KIF13A: variants seen among roughly 807,000 people sequenced by gnomAD.
KIF13A encodes the protein kinesin-like protein KIF13A.
Under a neutral mutation model 212.2 loss-of-function variants are expected in KIF13A, and 79 were observed. The ratio of observed to expected loss-of-function variants is 0.37; its 90% confidence interval spans 0.31 to 0.45. The LOEUF is 0.45. KIF13A is among the 20% of genes least tolerant of loss of function. KIF13A has a pLI of 1.00. For synonymous variants in KIF13A, 789 were observed against 808.6 expected (o/e 0.98, Z 0.41); for missense variants, 1,901 against 2,209.0 (o/e 0.86, Z 2.79).
In KIF13A at chr6:17,915,433, G is replaced by C. The variant is rs907335484; in HGVS notation, c.147-17253C>G. The stretch of plus-strand genomic sequence containing the variant: ...AGCAGAGTAACACACGCGATGCAAG[G>C]CCCCTCATTTTCAGCCATTTATTTT... On this transcript the variant is annotated intron_variant, in intron 2 of 38. Transcript: ENST00000259711. This position sits in a 1 kb window ranked among gnomAD's most constrained non-coding sequence, Gnocchi z 4.4. 1.3e-5 allele frequency among the ~76,000 whole-genome samples: 2 copies of C among 152,096 alleles called. No homozygotes were observed. The highest frequency in any genetic ancestry group is 4.2e-4 in the South Asian group (2 of 4,814).
In KIF13A at chr6:17,764,303, G is replaced by A. The variant is rs189438984; in HGVS notation, c.5225C>T (p.Ser1742Leu). 3.7e-4 allele frequency: 600 copies of A among 1,613,936 alleles called. 3 individuals are homozygous for A. The African/African-American group carries it at 6.9e-3, about 19-fold the overall frequency. ...CAAACCATCAAAATCTTTTCCCTCT[G>A]ACACTCCCATAAATTCTGTGAAAGA... ...DHSFTEFMGV[S>L]EGKDFDGLTD... Residue 1742 changes from serine (S) to leucine (L), a missense_variant, in exon 39 of 39, where the codon TCA (serine) becomes TTA (leucine). By Grantham distance (145) the Ser-to-Leu change is moderately radical. Transcript: ENST00000259711. The surrounding 1 kb of genome is among the most constrained non-coding windows in gnomAD (Gnocchi z 5.1).
At chr6:17,913,332 C>A (rs934906784) in intron 2 of KIF13A, among the ~76,000 whole-genome samples, 7 of 152,254 alleles carry the variant, frequency 4.6e-5, no homozygotes, top group Non-Finnish European at 8.8e-5. Context: ...ATTTTATACA[C>A]AGTGGGCACT....
intron 23 of KIF13A, 127 bp downstream of exon 23, chr6:17,796,542 T>TG: frequency 1.7e-6 from 1 of 583,168 alleles, no homozygotes; most frequent in Non-Finnish European, 2.5e-6. Flanking sequence ...ACCTGGCCAT[T>TG]CTTTTTTTTT....
chr6:17,951,440 A>ATT lies in KIF13A; in HGVS notation c.146+35613_146+35614insAA, dbSNP rs750975026. On this transcript the variant is annotated intron_variant, in intron 2 of 38. Coordinates refer to ENST00000259711, the MANE Select transcript of KIF13A (RefSeq NM_022113.6). The surrounding 1 kb of genome is among the most constrained non-coding windows in gnomAD (Gnocchi z 4.9). ...GCCACTGTGACCAGCCTCAATTTAAAAAAAAAAAAAAAACAGCTTTAAGAT... is the reference window on the plus strand; with the variant it reads ...GCCACTGTGACCAGCCTCAATTTAAATTAAAAAAAAAAAAACAGCTTTAAGAT... 28 of 496,222 alleles carry ATT rather than the reference A, an allele frequency of 5.6e-5. No homozygotes were observed. Among genetic ancestry groups the ATT allele is most frequent in the African/African-American group, 1.2e-4 (6 of 48,972 alleles). The allele number at this position is 496,222 out of a possible 1,614,324, so 30.7% of individuals were successfully genotyped here.
At chr6:17,972,341 A>C (rs1052366747) in intron 2 of KIF13A, among the ~76,000 whole-genome samples, 2 of 152,240 alleles carry the variant, frequency 1.3e-5, no homozygotes, top group Non-Finnish European at 2.9e-5. Flanking sequence ...TATGAATAGA[A>C]GTAGAGAGCA....
rs1768125510 is a variant in KIF13A, at chr6:17,856,263, T to C, written c.221-141A>G. Reference sequence around the variant, plus strand: ...GCCCACTAAGTACAGGGCTGTGTATTAAGAGCTTGATATATGCAATTTCAT... The same window carrying C: ...GCCCACTAAGTACAGGGCTGTGTATCAAGAGCTTGATATATGCAATTTCAT... On this transcript the variant is annotated intron_variant, in intron 4 of 38. Transcript: ENST00000259711. The surrounding 1 kb of genome is among the most constrained non-coding windows in gnomAD (Gnocchi z 4.5). The C allele has an allele frequency of 9.8e-6, 6 of 614,392 alleles. No individual in the cohort carries two copies. The East Asian group carries it at 1.7e-4, about 17-fold the overall frequency. 38.1% of individuals were successfully genotyped at this position (614,392 alleles called of 1,614,324 possible).
rs976410798 is a variant in KIF13A at position 17,987,304 on chromosome 6, G to GC, written c.55+104dup. On this transcript the variant is annotated intron_variant, in intron 1 of 38. Transcript: ENST00000259711. The surrounding 1 kb of genome is among the most constrained non-coding windows in gnomAD (Gnocchi z 7.7). ...CAGCGCGGACGCCGCCTCCGCCCCG[G>GC]CCCCCCGGCCCCGGCCGCGCTCTCG... The GC allele has an allele frequency of 3.1e-4, 282 of 907,100 alleles. No individual in the cohort carries two copies. In the African/African-American group the frequency reaches 4.0e-3, roughly 13 times the overall value. The allele number at this position is 907,100 out of a possible 1,614,324, so 56.2% of individuals were successfully genotyped here. A position where few individuals can be genotyped will look rare whatever the true frequency, so the allele number is the denominator to read the frequency against.
intron 3 of KIF13A, among the ~76,000 whole-genome samples, chr6:17,894,203 C>T (rs912139919): frequency 1.3e-5 from 2 of 151,078 alleles, no homozygotes; most frequent in African/African-American, 4.9e-5. Flanking sequence ...CATGATCAAG[C>T]TTACTACAGC....
chr6:17,962,565 C>T (rs1778924029), intron 2 of KIF13A, among the ~76,000 whole-genome samples: 1 of 152,146 alleles, frequency 6.6e-6, no homozygotes, highest in East Asian at 1.9e-4. Flanking sequence ...GAGGGTGGGG[C>T]AGGACACAAC....
Position 17,816,379 on chromosome 6 carries a change from T to G in KIF13A, c.2000+641A>C, listed in dbSNP as rs1175658967. 2.0e-5 allele frequency among the ~76,000 whole-genome samples: 3 copies of G among 151,362 alleles called. No individual in the cohort carries two copies. The highest frequency in any genetic ancestry group is 4.4e-5 in the Non-Finnish European group (3 of 68,014). ...CTACCATGCCTGGCTAATTTTTTAT[T>G]TTTTGTAGAGACAAGGTCTCGTTAT... On this transcript the variant is annotated intron_variant, in intron 17 of 38. Transcript: ENST00000259711. This position sits in a 1 kb window ranked among gnomAD's most constrained non-coding sequence, Gnocchi z 4.3.
intron 9 of KIF13A, among the ~76,000 whole-genome samples, chr6:17,844,384 A>T (rs74596244): frequency 6.6e-6 from 1 of 152,284 alleles, no homozygotes; most frequent in East Asian, 1.9e-4. Context: ...TATACTTTAA[A>T]ATGTTACTGT....
intron 3 of KIF13A, among the ~76,000 whole-genome samples, chr6:17,889,590 C>A (rs1273611080): frequency 6.6e-6 from 1 of 152,166 alleles, no homozygotes; most frequent in African/African-American, 2.4e-5. Flanking sequence ...TTCCTTATAT[C>A]TTGGCACATA....
At chr6:17,889,009 T>C (rs931096672) in intron 3 of KIF13A, among the ~76,000 whole-genome samples, 25 of 152,176 alleles carry the variant, frequency 1.6e-4, no homozygotes, top group African/African-American at 5.5e-4. Context: ...AAACCACTTG[T>C]GGCTAAATGG....
At chr6:17,848,558 C>CTTTTTTTTTTT (rs66477046) in intron 9 of KIF13A, among the ~76,000 whole-genome samples, 2 of 68,856 alleles carry the variant, frequency 2.9e-5, no homozygotes, top group African/African-American at 5.5e-5. Context: ...ACTCGTACAT[C>CTTTTTTTTTTT]TTTTTTTTTT....
chr6:17,978,536 T>A (rs1780790323), intron 2 of KIF13A, among the ~76,000 whole-genome samples: 1 of 152,252 alleles, frequency 6.6e-6, no homozygotes, highest in Admixed American at 6.5e-5. Flanking sequence ...CAAAGTAATC[T>A]CACCAAGTGT....
rs1379518814 is a variant in KIF13A at position 17,816,059 on chromosome 6, C to A, written c.2000+961G>T. ...AGTAGCTGGGATTACAGGCGCCTGC[C>A]ACCATGCGCTGCTATTTTTTCTTTT... On this transcript the variant is annotated intron_variant, in intron 17 of 38. Coordinates refer to ENST00000259711, the MANE Select transcript of KIF13A (RefSeq NM_022113.6). The surrounding 1 kb of genome is among the most constrained non-coding windows in gnomAD (Gnocchi z 4.3). Among the ~76,000 whole-genome samples, 1 of 149,626 alleles carries A rather than the reference C, an allele frequency of 6.7e-6. No homozygotes were observed. Among genetic ancestry groups the A allele is most frequent in the East Asian group, 2.0e-4 (1 of 5,034 alleles).
intron 38 of KIF13A, chr6:17,770,771 T>C (rs1759426482): frequency 2.0e-6 from 2 of 992,468 alleles, no homozygotes; most frequent in Non-Finnish European, 2.4e-6. Context: ...TTCCTCTAGG[T>C]AGATTAACTT....
chr6:17,954,484 C>G (rs1247592680), intron 2 of KIF13A, among the ~76,000 whole-genome samples: 1 of 152,222 alleles, frequency 6.6e-6, no homozygotes, highest in East Asian at 1.9e-4. Context: ...ACCAGTGTTA[C>G]ATTTTAAGTA....
chr6:17,924,302 G>A (rs1775316681), intron 2 of KIF13A, among the ~76,000 whole-genome samples: 1 of 152,132 alleles, frequency 6.6e-6, no homozygotes, highest in East Asian at 1.9e-4. Context: ...AGTTAGAGCT[G>A]GTGACAATAG....
Sources: gnomAD v4.1 joint callset for allele counts (sites outside exome capture counted in the v4.1 genomes callset) on GRCh38, gnomAD v4.1.1 for gene constraint, Gnocchi (gnomAD v3.1) non-coding constraint, MANE v1.5 for transcripts, NCBI Gene and HGNC (gene_info 2026-07-23, HGNC 2026-07-21) for gene names.